Variants in LARS2 observed in about 807,000 individuals in gnomAD.
LARS2 encodes leucyl-tRNA synthetase 2, mitochondrial.
In LARS2, 81 loss-of-function variants were observed where a neutral mutation model predicts 116.6. That is an observed-to-expected ratio of 0.69 (90% CI 0.58 to 0.84). The LOEUF is 0.84. Among genes scored for constraint, LARS2 ranks in the 40% least tolerant of loss-of-function variants. The probability of loss-of-function intolerance (pLI) is 0.00; values close to 1 mark genes in which losing one functional copy is unlikely to be tolerated. For missense variants in LARS2, 968 were observed against 1,114.5 expected (o/e 0.87, Z 1.87); for synonymous variants, 396 against 407.2 (o/e 0.97, Z 0.33).
chr3:45,453,023 T>C (rs1384628347), intron 7 of LARS2, among the ~76,000 whole-genome samples: 1 of 152,198 alleles, frequency 6.6e-6, no homozygotes, highest in Non-Finnish European at 1.5e-5. Flanking sequence ...TGTTTCTTTT[T>C]CTGTCTGTGA....
Position 45,497,642 on chromosome 3 carries a change from C to G in LARS2, c.1622+1269C>G, listed in dbSNP as rs893966623. 5.9e-5 allele frequency among the ~76,000 whole-genome samples: 9 copies of G among 152,136 alleles called. 1 individual carries two copies. The highest frequency in any genetic ancestry group is 2.0e-4 in the Admixed American group (3 of 15,274). ...GGGATCCTTGTCAGGCATGGTGGCT[C>G]ACGCCTGTAATTCCAGCGCTTTGGG... On this transcript the variant is annotated intron_variant, in intron 14 of 21. Coordinates refer to ENST00000645846, the MANE Select transcript of LARS2 (RefSeq NM_015340.4).
chr3:45,544,273 G>A lies in LARS2; in HGVS notation c.2532+2317G>A, dbSNP rs138330604. On this transcript the variant is annotated intron_variant, in intron 21 of 21. Transcript: ENST00000645846. ...TTGGAACAAAGGTCTGGGGGCACAT[G>A]AGCTGTCACACACAGTTTATGTAAG... is the stretch of plus-strand genomic sequence containing the variant. Among the ~76,000 whole-genome samples, 1,057 of 152,388 alleles carry A rather than the reference G, an allele frequency of 6.9e-3. 5 individuals carry two copies. Among genetic ancestry groups the A allele is most frequent in the Non-Finnish European group, 0.013 (875 of 68,038 alleles).
intron 11 of LARS2, 104 bp from the exon 12 acceptor site, chr3:45,488,593 G>A (rs533353761): frequency 4.2e-6 from 3 of 706,618 alleles, no homozygotes; most frequent in Non-Finnish European, 7.7e-6. Context: ...AACTAAAAGA[G>A]ATAGTCTCCT....
chr3:45,476,361 G>A, intron 9 of LARS2, 107 bp from the exon 10 acceptor site: 1 of 1,188,970 alleles, frequency 8.4e-7, no homozygotes, highest in Non-Finnish European at 1.2e-6. Context: ...CAGAGCTGTG[G>A]TCACTGTTGG....
At chr3:45,510,768 C>G (rs114590064) in intron 15 of LARS2, among the ~76,000 whole-genome samples, 86 of 152,212 alleles carry the variant, frequency 5.7e-4, no homozygotes, top group African/African-American at 1.9e-3. Flanking sequence ...GGAGGAGGAG[C>G]TCTTCAAATA....
chr3:45,430,256 G>A (rs1249294122), intron 6 of LARS2, among the ~76,000 whole-genome samples: 47 of 143,726 alleles, frequency 3.3e-4, no homozygotes, highest in Non-Finnish European at 5.0e-4. Context: ...ACAGGCGTGA[G>A]CCACCGCACC....
intron 6 of LARS2, among the ~76,000 whole-genome samples, chr3:45,429,424 G>C (rs946449999): frequency 1.3e-5 from 2 of 152,122 alleles, no homozygotes; most frequent in Non-Finnish European, 2.9e-5. Flanking sequence ...GCTTCTAGAG[G>C]CTGCTTGCAT....
chr3:45,516,026 T>C, intron 16 of LARS2, 68 bp from the exon 17 acceptor site: 1 of 1,279,460 alleles, frequency 7.8e-7, no homozygotes, highest in Non-Finnish European at 1.1e-6. Flanking sequence ...TTTTACTTAT[T>C]GATGCTATTT....
In LARS2 at chr3:45,479,914, G is replaced by A. The variant is rs1699670457; in HGVS notation, c.1018+3287G>A. 2.6e-5 allele frequency among the ~76,000 whole-genome samples: 4 copies of A among 152,224 alleles called. No individual in the cohort carries two copies. In the South Asian group the frequency reaches 8.3e-4, roughly 31 times the overall value. ...CAATGCATTTTTTGCTGAAAGGGCAGATGCGGTCTCTCCAAAGGACAACTT... is the reference window on the plus strand; with the variant it reads ...CAATGCATTTTTTGCTGAAAGGGCAAATGCGGTCTCTCCAAAGGACAACTT... On this transcript the variant is annotated intron_variant, in intron 10 of 21. Transcript: ENST00000645846.
chr3:45,545,086 G>A (rs905140215), intron 21 of LARS2, among the ~76,000 whole-genome samples: 1 of 152,212 alleles, frequency 6.6e-6, no homozygotes, highest in Admixed American at 6.5e-5. Context: ...TGGAGCCTAG[G>A]TGGACAAGTG....
chr3:45,396,302 G>T (rs559120327), intron 3 of LARS2, among the ~76,000 whole-genome samples: 1 of 152,352 alleles, frequency 6.6e-6, no homozygotes, highest in East Asian at 1.9e-4. Flanking sequence ...GGGCTGCAAT[G>T]CTGGCTCTGC....
At chr3:45,494,293 T>C (rs1699972823) in intron 13 of LARS2, among the ~76,000 whole-genome samples, 1 of 152,158 alleles carries the variant, frequency 6.6e-6, no homozygotes, top group South Asian at 2.1e-4. Flanking sequence ...TTTCCTTGGG[T>C]AATATTTGTA....
Position 45,447,001 on chromosome 3 carries a change from CTT to C in LARS2, c.606+24_606+25del, listed in dbSNP as rs766355383. The stretch of plus-strand genomic sequence containing the variant: ...AGGAGGTAAGTTAAAATTAGCTGGA[CTT>C]TTAAAATTCAGTGAATCTCTTTAGG... On this transcript the variant is annotated intron_variant, in intron 7 of 21. Transcript: ENST00000645846. 63 of 1,387,882 alleles carry C rather than the reference CTT, an allele frequency of 4.5e-5. 1 individual carries two copies. In the South Asian group the frequency reaches 7.4e-4, roughly 16 times the overall value. 86.0% of individuals were successfully genotyped at this position (1,387,882 alleles called of 1,614,324 possible). A position where few individuals can be genotyped will look rare whatever the true frequency, so the allele number is the denominator to read the frequency against.
intron 3 of LARS2, among the ~76,000 whole-genome samples, chr3:45,398,762 C>T (rs1272144070): frequency 6.6e-6 from 1 of 152,110 alleles, no homozygotes; most frequent in African/African-American, 2.4e-5. Context: ...CAAAGGCCAA[C>T]GAACATTTAT....
intron 8 of LARS2, among the ~76,000 whole-genome samples, chr3:45,460,627 C>T (rs756466494): frequency 6.6e-6 from 1 of 152,198 alleles, no homozygotes; most frequent in Non-Finnish European, 1.5e-5. Context: ...GAAGTCAGCA[C>T]TTGGTTTACT....
At chr3:45,524,738 A>G (rs1189678997) in intron 20 of LARS2, among the ~76,000 whole-genome samples, 1 of 152,234 alleles carries the variant, frequency 6.6e-6, no homozygotes, top group African/African-American at 2.4e-5. Flanking sequence ...GAAATAGGTC[A>G]TCTGAAATGC....
intron 15 of LARS2, among the ~76,000 whole-genome samples, chr3:45,511,964 C>T (rs899217327): frequency 8.6e-5 from 13 of 151,726 alleles, no homozygotes; most frequent in Non-Finnish European, 1.6e-4. Context: ...TTAGTAGAGA[C>T]GGGGTTTCAC....
At chr3:45,464,491 G>T (rs1398194852) in intron 8 of LARS2, among the ~76,000 whole-genome samples, 1 of 152,196 alleles carries the variant, frequency 6.6e-6, no homozygotes, top group African/African-American at 2.4e-5. Context: ...CAGAACAGAG[G>T]CTGGGTCACA....
In LARS2 at chr3:45,541,914, G is replaced by A. The variant is rs374014256; in HGVS notation, c.2490G>A (p.Pro830=). 53 of 1,614,212 alleles carry A rather than the reference G, an allele frequency of 3.3e-5. No individual in the cohort carries two copies. The highest frequency in any genetic ancestry group is 1.6e-4 in the Middle Eastern group (1 of 6,062). Reference sequence around the variant, plus strand: ...TCCAGGCATGGCCTGCTGTGGACCCGGAGTTCCTGCAGCAGCCTGAGGTTG... The same window carrying A: ...TCCAGGCATGGCCTGCTGTGGACCCAGAGTTCCTGCAGCAGCCTGAGGTTG... The part of the protein sequence containing the change: ...VLLQAWPAVD[P]EFLQQPEVVQ... The change falls in exon 21 of 22, where the codon CCG becomes CCA. Residue 830 remains proline (P), a synonymous_variant. Coordinates refer to ENST00000645846, the MANE Select transcript of LARS2 (RefSeq NM_015340.4).
Sources: allele counts gnomAD v4.1 joint callset (sites outside exome capture counted in the v4.1 genomes callset), GRCh38; gene constraint gnomAD v4.1.1; transcripts MANE v1.5; gene names NCBI Gene and HGNC (gene_info 2026-07-23, HGNC 2026-07-21).